COL20A1: variants seen among roughly 807,000 people sequenced by gnomAD.
COL20A1 encodes collagen alpha-1(XX) chain.
A neutral mutation model predicts 152.9 loss-of-function variants in COL20A1; 164 were observed. The ratio of observed to expected loss-of-function variants is 1.07; its 90% CI spans 0.94 to 1.22. COL20A1 has a LOEUF of 1.22. Ranked by LOEUF, COL20A1 falls within the 50% of genes most tolerant of loss-of-function variation. The pLI is 0.00. For synonymous variants in COL20A1, 864 were observed against 756.0 expected, an observed-to-expected ratio of 1.14 and a Z score of -2.34; for missense variants, 1,873 against 1,744.8, an observed-to-expected ratio of 1.07 and a Z score of -1.31.
At chr20:63,326,563 G>A (rs942376616) in intron 30 of COL20A1, among the ~76,000 whole-genome samples, 189 bp from the exon 31 acceptor site, 3 of 152,174 alleles carry the variant, frequency 2.0e-5, no homozygotes, top group African/African-American at 4.8e-5. Flanking sequence ...GCAGGGCATG[G>A]GGAGCCAGGG....
chr20:63,302,359 C>A (rs2067872209), intron 3 of COL20A1, among the ~76,000 whole-genome samples: 1 of 152,138 alleles, frequency 6.6e-6, no homozygotes, highest in African/African-American at 2.4e-5. Flanking sequence ...CTCACTCTGT[C>A]ACTCAGGCTG....
chr20:63,316,962 C>G (rs112586764), intron 21 of COL20A1, among the ~76,000 whole-genome samples: 36 of 152,348 alleles, frequency 2.4e-4, no homozygotes, highest in African/African-American at 8.7e-4. Flanking sequence ...CCCATGTGAG[C>G]TGAGGGCTGA....
chr20:63,328,330 G>A lies in COL20A1; in HGVS notation c.3614-1G>A. 6.2e-7 allele frequency: 1 copy of A among 1,610,240 alleles called. No homozygotes were observed. Among genetic ancestry groups the A allele is most frequent in the Non-Finnish European group, 8.5e-7 (1 of 1,178,364 alleles). ...CCTGCTGACACCCCTCCTCCCCACA[G>A]CACACGTGTCAAAGTTCGACTCCTT... On this transcript the variant is annotated splice_acceptor_variant, in intron 33 of 35. Transcript: ENST00000358894. LOFTEE classifies it high-confidence loss of function.
At chr20:63,326,941 C>T in intron 31 of COL20A1, 118 bp downstream of exon 31, 1 of 631,116 alleles carries the variant, frequency 1.6e-6, no homozygotes, top group Non-Finnish European at 2.6e-6. Context: ...CTACTGACCA[C>T]CTAGGGACTT....
chr20:63,299,790 A>G (rs1601403479), intron 3 of COL20A1, among the ~76,000 whole-genome samples: 2 of 151,692 alleles, frequency 1.3e-5, no homozygotes, highest in East Asian at 1.9e-4. Context: ...ACAGTGATTG[A>G]TTTTTTAAAT....
At chr20:63,320,972 G>C (rs1437684035) in intron 25 of COL20A1, 41 bp from the exon 26 acceptor site, 1 of 1,447,780 alleles carries the variant, frequency 6.9e-7, no homozygotes, top group Admixed American at 2.0e-5. Context: ...CAAGAGCCAG[G>C]GAGAGGGTCT....
intron 25 of COL20A1, 34 bp from the exon 26 acceptor site, chr20:63,320,979 G>T: frequency 6.8e-7 from 1 of 1,476,776 alleles, no homozygotes; most frequent in South Asian, 1.2e-5. Context: ...CAGGGAGAGG[G>T]TCTCTCTAAT....
At chr20:63,330,372 A>G (rs1324173226) in intron 35 of COL20A1, among the ~76,000 whole-genome samples, 2 of 152,080 alleles carry the variant, frequency 1.3e-5, no homozygotes, top group Non-Finnish European at 2.9e-5. Flanking sequence ...AGGGGCTAGG[A>G]GGGCTGAGGA....
chr20:63,295,255 G>C (rs527370752), intron 2 of COL20A1, 66 bp downstream of exon 2: 2 of 1,081,432 alleles, frequency 1.8e-6, no homozygotes, highest in East Asian at 2.6e-5. Flanking sequence ...GTGCCCACGC[G>C]GGACGAGCCC....
intron 1 of COL20A1, among the ~76,000 whole-genome samples, chr20:63,293,749 G>A (rs2067745349): frequency 6.6e-6 from 1 of 152,054 alleles, no homozygotes; most frequent in Non-Finnish European, 1.5e-5. Context: ...TTACCTGACT[G>A]CCCTTGGCCG....
chr20:63,328,579 CA>C (rs2068289298), intron 34 of COL20A1, 81 bp downstream of exon 34: 1 of 1,330,112 alleles, frequency 7.5e-7, no homozygotes, highest in African/African-American at 1.5e-5. Flanking sequence ...GCTGGGGCTT[CA>C]ATCTGTGTCA....
At position 63,309,514 on chromosome 20, in the gene COL20A1, C is replaced by A; in HGVS notation, c.1105+17C>A. ...AGGGCCCAGGTGAGGGGCAGGGTCA[C>A]CCGCACAGGCTGCAGCCCCCCCGGC... On this transcript the variant is annotated intron_variant, in intron 9 of 35. Coordinates refer to ENST00000358894, the MANE Select transcript of COL20A1 (RefSeq NM_020882.4). The A allele has an allele frequency of 1.3e-6, 2 of 1,487,682 alleles. No homozygotes were observed. Among genetic ancestry groups the A allele is most frequent in the Non-Finnish European group, 1.8e-6 (2 of 1,114,958 alleles). 92.2% of individuals were successfully genotyped at this position (1,487,682 alleles called of 1,614,324 possible).
At chr20:63,309,548 G>A in intron 9 of COL20A1, 51 bp downstream of exon 9, 1 of 1,437,546 alleles carries the variant, frequency 7.0e-7, no homozygotes, top group Admixed American at 2.6e-5. Flanking sequence ...GCTGCTTTGG[G>A]CAAAGGGTTG....
chr20:63,295,309 G>C, intron 2 of COL20A1, 120 bp downstream of exon 2: 1 of 656,246 alleles, frequency 1.5e-6, no homozygotes, highest in South Asian at 1.9e-5. Context: ...AATGCGTGCT[G>C]AATTCACAGC....
chr20:63,326,666 C>A (rs1453218801), intron 30 of COL20A1, 86 bp from the exon 31 acceptor site: 3 of 914,594 alleles, frequency 3.3e-6, no homozygotes. Flanking sequence ...GGTCAGGGGG[C>A]CCCTGGGACA....
Position 63,309,683 on chromosome 20 carries a change from G to A in COL20A1, c.1106-75G>A, listed in dbSNP as rs1227857641. On this transcript the variant is annotated intron_variant, in intron 9 of 35. Coordinates refer to ENST00000358894, the MANE Select transcript of COL20A1 (RefSeq NM_020882.4). ...AGCAGCTTTCCTGTCCCTCCTGTGA[G>A]TGGCCACCAGGGGGAGCGTGGACAC... 5.8e-6 allele frequency: 8 copies of A among 1,376,532 alleles called. No individual in the cohort carries two copies. The African/African-American group carries it at 1.2e-4, about 20-fold the overall frequency. The allele number at this position is 1,376,532 out of a possible 1,614,324, so 85.3% of individuals were successfully genotyped here.
chr20:63,293,759 G>A (rs1426296183), intron 1 of COL20A1, among the ~76,000 whole-genome samples: 1 of 151,976 alleles, frequency 6.6e-6, no homozygotes, highest in Non-Finnish European at 1.5e-5. Flanking sequence ...GCCCTTGGCC[G>A]GCCGGGCGGG....
intron 8 of COL20A1, among the ~76,000 whole-genome samples, chr20:63,308,995 C>A (rs1339366876): frequency 6.6e-6 from 1 of 152,204 alleles, no homozygotes; most frequent in Non-Finnish European, 1.5e-5. Flanking sequence ...CCAGCTGCCC[C>A]CTCTGGCCAC....
chr20:63,326,054 A>G (rs2068242184), intron 29 of COL20A1, 42 bp from the exon 30 acceptor site: 2 of 1,568,702 alleles, frequency 1.3e-6, no homozygotes, highest in Non-Finnish European at 8.8e-7. Context: ...GGCTGGGTAC[A>G]GGTACAAACC....
Sources: allele counts gnomAD v4.1 joint callset (sites outside exome capture counted in the v4.1 genomes callset), GRCh38; gene constraint gnomAD v4.1.1; transcripts MANE v1.5; gene names NCBI Gene and HGNC (gene_info 2026-07-23, HGNC 2026-07-21).